CFAP299: variants seen among roughly 807,000 people sequenced by gnomAD.
CFAP299 encodes the protein cilia and flagella associated protein 299.
Under a neutral mutation model 27.0 loss-of-function variants are expected in CFAP299, and 21 were observed. The observed-to-expected ratio is 0.78, with a 90% CI of 0.55 to 1.12. The LOEUF (loss-of-function observed/expected upper bound fraction) is 1.12. Ranked by LOEUF, CFAP299 falls within the 50% of genes most tolerant of loss-of-function variation. CFAP299 has a pLI of 0.00. For missense variants in CFAP299, 310 were observed against 276.6 expected (o/e 1.12, Z -0.86); for synonymous variants, 104 against 98.1 (o/e 1.06, Z -0.36).
intron 2 of CFAP299, among the ~76,000 whole-genome samples, chr4:80,443,079 G>A (rs866085982): frequency 2.0e-5 from 3 of 152,192 alleles, no homozygotes; most frequent in African/African-American, 7.2e-5. Context: ...AGGATCAGAC[G>A]GATTCACAGC....
chr4:80,738,402 G>A lies in CFAP299; in HGVS notation c.334-131591G>A, dbSNP rs144919086. Among the ~76,000 whole-genome samples the A allele has an allele frequency of 5.6e-3, 851 of 151,952 alleles. 5 individuals are homozygous for A. The highest frequency in any genetic ancestry group is 0.02 in the Middle Eastern group (6 of 294). The stretch of plus-strand genomic sequence containing the variant: ...TCTAATAATGTTTCCTTTATATATC[G>A]GCTTGGACCAGTGTTGGATGTTTAT... On this transcript the variant is annotated intron_variant, in intron 3 of 5. Transcript: ENST00000358105.
intron 3 of CFAP299, among the ~76,000 whole-genome samples, chr4:80,638,997 G>T (rs1739589951): frequency 6.6e-6 from 1 of 152,132 alleles, no homozygotes; most frequent in South Asian, 2.1e-4. Flanking sequence ...GGAGCAGAAA[G>T]AGAGAGCAAG....
At chr4:80,637,759 G>C (rs1739521287) in intron 3 of CFAP299, among the ~76,000 whole-genome samples, 1 of 152,102 alleles carries the variant, frequency 6.6e-6, no homozygotes, top group Non-Finnish European at 1.5e-5. Flanking sequence ...AATAAAAAGA[G>C]TAATTAACAA....
rs1322516979 is a variant in CFAP299, at chr4:80,955,030, AAAAAC to A, written c.607-8486_607-8482del. ...AAAAAAAAAAAAAAAAAAAAAAAAAAAAAACGCACACATGGCCATATACAGAGTAG... is the reference window on the plus strand; with the variant it reads ...AAAAAAAAAAAAAAAAAAAAAAAAAAGCACACATGGCCATATACAGAGTAG... On this transcript the variant is annotated intron_variant, in intron 5 of 5. Transcript: ENST00000358105. 8.0e-3 allele frequency among the ~76,000 whole-genome samples: 811 copies of A among 100,992 alleles called. 165 individuals are homozygous for A. The highest frequency in any genetic ancestry group is 0.026 in the African/African-American group (666 of 25,420). 66.3% of individuals were successfully genotyped at this position (100,992 alleles called of 152,430 possible).
chr4:80,330,965 T>C (rs1484988833), upstream of CFAP299, among the ~76,000 whole-genome samples: 2 of 152,214 alleles, frequency 1.3e-5, no homozygotes, highest in Admixed American at 1.3e-4. Context: ...TCATAGATTC[T>C]AATAAGCAGT....
chr4:80,960,106 G>C (rs893988771), intron 5 of CFAP299, among the ~76,000 whole-genome samples: 98 of 149,510 alleles, frequency 6.6e-4, no homozygotes, highest in African/African-American at 2.2e-3. Context: ...AGATTACATA[G>C]GAAGTTAAAA....
chr4:80,959,089 G>A (rs894969359), intron 5 of CFAP299, among the ~76,000 whole-genome samples: 1 of 152,080 alleles, frequency 6.6e-6, no homozygotes, highest in Non-Finnish European at 1.5e-5. Context: ...TTTGTGGTAT[G>A]CAAAACAATG....
intron 3 of CFAP299, among the ~76,000 whole-genome samples, chr4:80,639,172 C>T (rs938679126): frequency 6.6e-6 from 1 of 152,102 alleles, no homozygotes; most frequent in Non-Finnish European, 1.5e-5. Context: ...TATTCCATAA[C>T]CCAGGTGCTG....
chr4:80,958,406 T>G (rs1308032592), intron 5 of CFAP299, among the ~76,000 whole-genome samples: 1 of 152,176 alleles, frequency 6.6e-6, no homozygotes, highest in Admixed American at 6.5e-5. Context: ...AACTTCTTAC[T>G]GAACTGATGC....
At chr4:80,950,258 C>CA (rs1217683663) in intron 5 of CFAP299, among the ~76,000 whole-genome samples, 2 of 151,646 alleles carry the variant, frequency 1.3e-5, no homozygotes, top group African/African-American at 2.4e-5. Context: ...CCTCCACCCC[C>CA]CCCCTTTCTC....
intron 3 of CFAP299, among the ~76,000 whole-genome samples, chr4:80,846,301 G>A (rs544852999): frequency 6.6e-6 from 1 of 152,276 alleles, no homozygotes; most frequent in Admixed American, 6.5e-5. Context: ...AGGAGAGGAA[G>A]CTCATTCCAT....
intron 4 of CFAP299, among the ~76,000 whole-genome samples, chr4:80,879,093 T>A (rs907174375): frequency 2.0e-5 from 3 of 152,136 alleles, no homozygotes. Context: ...ATTCTTTAGA[T>A]AACATTTCCA....
At chr4:80,726,009 C>T (rs1196437615) in intron 3 of CFAP299, among the ~76,000 whole-genome samples, 2 of 152,190 alleles carry the variant, frequency 1.3e-5, no homozygotes, top group Admixed American at 6.5e-5. Flanking sequence ...CTGTAGAGGA[C>T]ATTTGGGCTT....
At chr4:80,721,579 T>C (rs369502664) in intron 3 of CFAP299, among the ~76,000 whole-genome samples, 2 of 152,282 alleles carry the variant, frequency 1.3e-5, no homozygotes, top group African/African-American at 4.8e-5. Flanking sequence ...CTAAATACAA[T>C]CATATTTTTG....
intron 3 of CFAP299, among the ~76,000 whole-genome samples, chr4:80,699,549 A>T (rs1721332397): frequency 6.6e-6 from 1 of 152,146 alleles, no homozygotes; most frequent in Non-Finnish European, 1.5e-5. Context: ...CTGATCAAGA[A>T]ATATTGTTAG....
intron 2 of CFAP299, among the ~76,000 whole-genome samples, chr4:80,407,177 G>A (rs932156257): frequency 6.6e-6 from 1 of 151,946 alleles, no homozygotes; most frequent in Non-Finnish European, 1.5e-5. Context: ...AAAAAAAACA[G>A]TAGAATACAC....
intron 3 of CFAP299, among the ~76,000 whole-genome samples, chr4:80,640,107 T>C (rs968017664): frequency 2.0e-5 from 3 of 152,220 alleles, no homozygotes; most frequent in African/African-American, 7.2e-5. Flanking sequence ...GTTCAAATGG[T>C]AAACTGTATG....
chr4:80,928,623 C>T (rs1736422161), intron 4 of CFAP299, among the ~76,000 whole-genome samples: 1 of 152,010 alleles, frequency 6.6e-6, no homozygotes, highest in Non-Finnish European at 1.5e-5. Flanking sequence ...TTGCCAAGAC[C>T]TTGCAGGAAG....
chr4:80,698,296 T>C (rs1175560374), intron 3 of CFAP299, among the ~76,000 whole-genome samples: 1 of 152,228 alleles, frequency 6.6e-6, no homozygotes, highest in South Asian at 2.1e-4. Context: ...CACTATTTTC[T>C]ATCACAATGG....
Sources: gnomAD v4.1 joint callset for allele counts (sites outside exome capture counted in the v4.1 genomes callset) on GRCh38, gnomAD v4.1.1 for gene constraint, MANE v1.5 for transcripts, NCBI Gene and HGNC (gene_info 2026-07-23, HGNC 2026-07-21) for gene names.